TTC28: variants seen among roughly 807,000 people sequenced by gnomAD.
TTC28 encodes tetratricopeptide repeat domain 28.
A neutral mutation model predicts 198.0 loss-of-function variants in TTC28; 61 were observed. The observed-to-expected ratio is 0.31, with a 90% confidence interval of 0.25 to 0.38. The LOEUF (loss-of-function observed/expected upper bound fraction) is 0.38. Ranked by LOEUF, TTC28 falls within the 10% of genes least tolerant of loss-of-function variation. The pLI is 1.00. For synonymous variants in TTC28, 1,171 were observed against 1,297.8 expected, an observed-to-expected ratio of 0.90 and a Z score of 2.10; for missense variants, 2,678 against 3,164.0, an observed-to-expected ratio of 0.85 and a Z score of 3.69.
intron 14 of TTC28, among the ~76,000 whole-genome samples, chr22:28,003,372 CTG>C (rs758338809): frequency 5.3e-5 from 8 of 152,178 alleles, no homozygotes; most frequent in Non-Finnish European, 1.0e-4. Context: ...TCAGTGGGAA[CTG>C]TGCTGCCTGA....
At chr22:28,202,537 C>CA (rs998861083) in intron 5 of TTC28, among the ~76,000 whole-genome samples, 376 of 110,584 alleles carry the variant, frequency 3.4e-3, no homozygotes, top group South Asian at 8.9e-3. Flanking sequence ...GACTCTGTCT[C>CA]AAAAAAAAAA....
chr22:28,370,025 C>G (rs1271990646), intron 2 of TTC28, among the ~76,000 whole-genome samples: 1 of 152,160 alleles, frequency 6.6e-6, no homozygotes, highest in Non-Finnish European at 1.5e-5. Flanking sequence ...AGGAAGCCAA[C>G]CTATACAGAC....
intron 5 of TTC28, among the ~76,000 whole-genome samples, chr22:28,199,454 A>C (rs1457524942): frequency 7.1e-6 from 1 of 141,186 alleles, no homozygotes; most frequent in Non-Finnish European, 1.5e-5. Context: ...GGTTTCACTG[A>C]CCATGATTGT....
At chr22:28,141,427 T>A (rs985357792) in intron 6 of TTC28, among the ~76,000 whole-genome samples, 2 of 152,192 alleles carry the variant, frequency 1.3e-5, no homozygotes, top group Non-Finnish European at 1.5e-5. Flanking sequence ...TGGTACTAAA[T>A]GAACAAACGA....
chr22:28,381,598 G>A (rs1304844137), intron 2 of TTC28, among the ~76,000 whole-genome samples: 1 of 152,084 alleles, frequency 6.6e-6, no homozygotes, highest in Admixed American at 6.6e-5. Context: ...TAAAATCACT[G>A]CTCGCAAGTA....
intron 6 of TTC28, among the ~76,000 whole-genome samples, chr22:28,126,372 A>G (rs1942913692): frequency 6.6e-6 from 1 of 152,174 alleles, no homozygotes; most frequent in African/African-American, 2.4e-5. Context: ...CAATTTCACA[A>G]TCTCACGGTA....
intron 2 of TTC28, among the ~76,000 whole-genome samples, chr22:28,405,276 A>G (rs1247057085): frequency 6.6e-6 from 1 of 152,238 alleles, no homozygotes; most frequent in Admixed American, 6.5e-5. Context: ...TTATGATTGC[A>G]TTAAAAATAT....
At chr22:28,289,667 C>A (rs1378640292) in intron 5 of TTC28, among the ~76,000 whole-genome samples, 1 of 152,148 alleles carries the variant, frequency 6.6e-6, no homozygotes, top group Non-Finnish European at 1.5e-5. Flanking sequence ...TTGTGAATAG[C>A]CACCGCACTA....
At chr22:28,391,677 T>C (rs1437903906) in intron 2 of TTC28, among the ~76,000 whole-genome samples, 1 of 152,244 alleles carries the variant, frequency 6.6e-6, no homozygotes, top group African/African-American at 2.4e-5. Flanking sequence ...TCTCGAGCCT[T>C]GGTTTTCAGC....
chr22:28,192,364 C>A lies in TTC28; in HGVS notation c.934-28765G>T, dbSNP rs534275967. 8.6e-4 allele frequency among the ~76,000 whole-genome samples: 131 copies of A among 152,284 alleles called. 3 individuals are homozygous for A. In the South Asian group the frequency reaches 0.023, roughly 27 times the overall value. ...AAAAAAAGAGCAGAAGAACTGGAAA[C>A]TCTAAAAATTAGAGTGCCTCTCCTC... is the stretch of plus-strand genomic sequence containing the variant. On this transcript the variant is annotated intron_variant, in intron 5 of 22. Coordinates refer to ENST00000397906, the MANE Select transcript of TTC28 (RefSeq NM_001145418.2).
At chr22:28,214,212 T>G (rs575431834) in intron 5 of TTC28, among the ~76,000 whole-genome samples, 2 of 152,296 alleles carry the variant, frequency 1.3e-5, no homozygotes. Context: ...ATTCAGGACA[T>G]AGGCATGGCC....
chr22:28,375,626 T>C (rs186692575), intron 2 of TTC28, among the ~76,000 whole-genome samples: 3 of 152,318 alleles, frequency 2.0e-5, no homozygotes, highest in East Asian at 1.9e-4. Flanking sequence ...TGATGGCTAA[T>C]TTTAGGTGTC....
At chr22:28,259,434 AT>A (rs758827360) in intron 5 of TTC28, among the ~76,000 whole-genome samples, 15 of 152,130 alleles carry the variant, frequency 9.9e-5, no homozygotes, top group Non-Finnish European at 1.5e-4. Context: ...GCAGTTTAAC[AT>A]TTTTCTTCAG....
At chr22:28,442,559 CA>C (rs2047641843) in intron 2 of TTC28, among the ~76,000 whole-genome samples, 1 of 152,262 alleles carries the variant, frequency 6.6e-6, no homozygotes, top group African/African-American at 2.4e-5. Flanking sequence ...CGCCATGGGG[CA>C]ACACCTAGTA....
chr22:28,026,562 G>C (rs529772038), intron 13 of TTC28, among the ~76,000 whole-genome samples: 2 of 152,282 alleles, frequency 1.3e-5, no homozygotes, highest in African/African-American at 4.8e-5. Flanking sequence ...TTTTGCTGGT[G>C]ATTCTCTGGA....
intron 5 of TTC28, among the ~76,000 whole-genome samples, chr22:28,257,609 G>A (rs2147289725): frequency 1.3e-5 from 2 of 151,248 alleles, no homozygotes; most frequent in East Asian, 1.9e-4. Flanking sequence ...GGGAAGGGGA[G>A]AGCGAAAAGG....
Position 28,430,006 on chromosome 22 carries a change from A to C in TTC28, c.382-123363T>G, listed in dbSNP as rs6005781. Among the ~76,000 whole-genome samples the C allele has an allele frequency of 2.3e-3, 350 of 149,546 alleles. 1 individual carries two copies. Among genetic ancestry groups the C allele is most frequent in the African/African-American group, 7.9e-3 (323 of 40,806 alleles). On this transcript the variant is annotated intron_variant, in intron 2 of 22. Coordinates refer to ENST00000397906, the MANE Select transcript of TTC28 (RefSeq NM_001145418.2). ...ACAATTTGCTTAGGATGGATGTGTA[A>C]GTTCTCTCCAACAAGGGCTCTGGAA...
intron 14 of TTC28, among the ~76,000 whole-genome samples, chr22:28,013,856 CT>C (rs1371914821): frequency 6.6e-6 from 1 of 152,204 alleles, no homozygotes; most frequent in Non-Finnish European, 1.5e-5. Context: ...TGCACGGCCC[CT>C]ACTGACAACT....
chr22:28,163,497 G>C lies in TTC28; in HGVS notation c.1036C>G (p.Gln346Glu). The part of the protein sequence containing the change: ...SHKQCVLLAK[Q>E]SKDELSEARE... ...GCTTCAGAAAGTTCATCTTTGGATT[G>C]CTTGGCAAGAAGAACACACTGTTTG... The change falls in exon 6 of 23, where the codon CAA becomes GAA. Residue 346 changes from glutamine (Q) to glutamate (E), a missense_variant. Gln to Glu is a conservative substitution (Grantham distance 29). Transcript: ENST00000397906. 6.4e-7 allele frequency: 1 copy of C among 1,551,764 alleles called. No individual in the cohort carries two copies. The highest frequency in any genetic ancestry group is 8.7e-7 in the Non-Finnish European group (1 of 1,147,014).
Sources: gnomAD v4.1 joint callset for allele counts (sites outside exome capture counted in the v4.1 genomes callset) on GRCh38, gnomAD v4.1.1 for gene constraint, MANE v1.5 for transcripts, NCBI Gene and HGNC (gene_info 2026-07-23, HGNC 2026-07-21) for gene names.